Variants in ARHGEF3 observed in about 807,000 individuals in gnomAD.
The protein encoded by ARHGEF3 is 59.8 kDA protein.
ARHGEF3 carries 28 observed loss-of-function variants against 63.2 expected under a neutral mutation model. That is an observed-to-expected ratio of 0.44 (90% CI 0.33 to 0.61). ARHGEF3 has a LOEUF of 0.61. Ranked by LOEUF, ARHGEF3 falls within the 20% of genes least tolerant of loss-of-function variation. The pLI, the probability that ARHGEF3 is intolerant of heterozygous loss-of-function variation, is 0.03. For missense variants in ARHGEF3, 533 were observed against 659.3 expected, an observed-to-expected ratio of 0.81 and a Z score of 2.10; for synonymous variants, 266 against 254.2, an observed-to-expected ratio of 1.05 and a Z score of -0.44.
chr3:56,800,288 C>T (rs187761030), intron 1 of ARHGEF3, among the ~76,000 whole-genome samples: 4 of 152,146 alleles, frequency 2.6e-5, no homozygotes, highest in Admixed American at 6.5e-5. Context: ...GCACCAATTG[C>T]GCTGCTCCTA....
At chr3:57,000,898 G>A (rs1702167584) in intron 2 of ARHGEF3, among the ~76,000 whole-genome samples, 1 of 152,000 alleles carries the variant, frequency 6.6e-6, no homozygotes, top group African/African-American at 2.4e-5. Context: ...TATGTAAATG[G>A]AATCATACTA....
intron 2 of ARHGEF3, among the ~76,000 whole-genome samples, chr3:56,998,635 C>T (rs1370798103): frequency 1.3e-5 from 2 of 152,180 alleles, no homozygotes; most frequent in African/African-American, 4.8e-5. Flanking sequence ...CCTCAAACTG[C>T]CTTCCCAAAC....
chr3:56,828,264 G>A (rs907000717), intron 4 of ARHGEF3, among the ~76,000 whole-genome samples: 7 of 152,002 alleles, frequency 4.6e-5, no homozygotes, highest in African/African-American at 1.7e-4. Context: ...GGCCGGGCAC[G>A]GTGGCTCATG....
intron 2 of ARHGEF3, among the ~76,000 whole-genome samples, chr3:57,016,656 A>G (rs1421741483): frequency 6.6e-6 from 1 of 152,146 alleles, no homozygotes; most frequent in Non-Finnish European, 1.5e-5. Context: ...CAAAATAGCT[A>G]CCGTTAGGAT....
intron 2 of ARHGEF3, among the ~76,000 whole-genome samples, chr3:56,973,282 G>C (rs1301690459): frequency 1.3e-5 from 2 of 152,164 alleles, no homozygotes; most frequent in African/African-American, 4.8e-5. Flanking sequence ...CTCCCAAAGT[G>C]CTGGGATTAC....
rs138349240 is a variant in ARHGEF3, at chr3:57,072,360, G to A, written c.-28+6866C>T. On this transcript the variant is annotated intron_variant, in intron 1 of 12. Transcript: ENST00000338458. ...AGGGCAGGTAAAAGAGAGGAGAAAT[G>A]TATACGGTCAAAGAAAACACTCTTG... Among the ~76,000 whole-genome samples the A allele has an allele frequency of 6.6e-5, 10 of 151,966 alleles. No individual in the cohort carries two copies. The East Asian group carries it at 1.7e-3, about 26-fold the overall frequency.
chr3:56,815,915 A>G (rs890169826), intron 4 of ARHGEF3, among the ~76,000 whole-genome samples: 12 of 152,114 alleles, frequency 7.9e-5, no homozygotes, highest in African/African-American at 2.7e-4. Context: ...TCTGTTCTGG[A>G]TATAACACAG....
At chr3:57,023,990 A>G (rs1177862161) in intron 2 of ARHGEF3, among the ~76,000 whole-genome samples, 3 of 152,158 alleles carry the variant, frequency 2.0e-5, no homozygotes, top group Non-Finnish European at 4.4e-5. Flanking sequence ...ACTTTAATTT[A>G]AATCATGCCT....
intron 6 of ARHGEF3, among the ~76,000 whole-genome samples, chr3:56,747,431 C>T (rs1206739290): frequency 1.3e-5 from 2 of 152,178 alleles, no homozygotes; most frequent in African/African-American, 4.8e-5. Context: ...CTGGTTCAGT[C>T]ACCGGCTAGG....
chr3:56,952,162 C>G (rs1419585616), intron 3 of ARHGEF3, among the ~76,000 whole-genome samples: 1 of 151,842 alleles, frequency 6.6e-6, no homozygotes, highest in African/African-American at 2.4e-5. Context: ...TCTGATGAGC[C>G]CTTAAAAGGA....
At chr3:57,078,899 G>A (rs956521133) in intron 1 of ARHGEF3, 10 of 245,034 alleles carry the variant, frequency 4.1e-5, no homozygotes, top group South Asian at 3.5e-4. Context: ...GGGGCTACCC[G>A]GGGAACAGAG....
intron 8 of ARHGEF3, among the ~76,000 whole-genome samples, chr3:56,732,637 G>C (rs950121215): frequency 2.0e-5 from 3 of 152,098 alleles, no homozygotes; most frequent in Non-Finnish European, 4.4e-5. Context: ...CACCTCCCTA[G>C]GGACTCAATG....
intron 2 of ARHGEF3, among the ~76,000 whole-genome samples, chr3:56,984,307 C>A (rs1701450290): frequency 6.6e-6 from 1 of 152,136 alleles, no homozygotes; most frequent in South Asian, 2.1e-4. Context: ...GGGCAGGGAC[C>A]CTGCCTGTCG....
intron 4 of ARHGEF3, among the ~76,000 whole-genome samples, chr3:56,851,770 C>T (rs1451386236): frequency 6.7e-6 from 1 of 148,936 alleles, no homozygotes; most frequent in Non-Finnish European, 1.5e-5. Flanking sequence ...ACAGACAAAG[C>T]AAAAAGAAGA....
chr3:56,928,096 G>A (rs2042321443), intron 3 of ARHGEF3, among the ~76,000 whole-genome samples: 1 of 152,168 alleles, frequency 6.6e-6, no homozygotes, highest in Non-Finnish European at 1.5e-5. Context: ...GCTCTTCAGA[G>A]CAGGAGAGTA....
At chr3:56,803,469 G>C (rs372407597), upstream of ARHGEF3, among the ~76,000 whole-genome samples, 7 of 150,272 alleles carry the variant, frequency 4.7e-5, 2 homozygotes, top group East Asian at 2.0e-4. Flanking sequence ...GAAAGAAATA[G>C]AGGAAGGAAG....
At chr3:56,801,615 A>T in intron 1 of ARHGEF3, 88 bp downstream of exon 1, 1 of 1,470,154 alleles carries the variant, frequency 6.8e-7, no homozygotes, top group Non-Finnish European at 9.1e-7. Flanking sequence ...AGAGACAGTG[A>T]CACTGGACGG....
chr3:57,050,851 T>A (rs1043611035), intron 1 of ARHGEF3, among the ~76,000 whole-genome samples: 2 of 152,178 alleles, frequency 1.3e-5, no homozygotes, highest in African/African-American at 4.8e-5. Context: ...AAGTTTTAAA[T>A]CTGCATGTCT....
Position 56,770,450 on chromosome 3 carries a change from A to T in ARHGEF3, c.204+3259T>A, listed in dbSNP as rs540548421. Among the ~76,000 whole-genome samples the T allele has an allele frequency of 2.3e-4, 27 of 118,234 alleles. No homozygotes were observed. In the South Asian group the frequency reaches 3.0e-3, roughly 13 times the overall value. 77.6% of individuals were successfully genotyped at this position (118,234 alleles called of 152,430 possible). ...TTAAATTAAATTAAATTAAATTAAA[A>T]TAAAATGAAATAAAATAAAATATAA... On this transcript the variant is annotated intron_variant, in intron 2 of 9. Coordinates refer to ENST00000296315, the MANE Select transcript of ARHGEF3 (RefSeq NM_019555.3).
Sources: allele counts gnomAD v4.1 joint callset (sites outside exome capture counted in the v4.1 genomes callset), GRCh38; gene constraint gnomAD v4.1.1; transcripts MANE v1.5; gene names NCBI Gene and HGNC (gene_info 2026-07-23, HGNC 2026-07-21).